COL21A1: variants seen among roughly 807,000 people sequenced by gnomAD.
COL21A1 encodes collagen alpha-1(XXI) chain.
A neutral mutation model predicts 137.9 loss-of-function variants in COL21A1; 149 were observed. The ratio of observed to expected loss-of-function variants is 1.08; its 90% CI spans 0.95 to 1.24. COL21A1 has a LOEUF of 1.24. Ranked by LOEUF, COL21A1 falls within the 50% of genes most tolerant of loss-of-function variation. COL21A1 has a pLI of 0.00. For synonymous variants in COL21A1, 456 were observed against 391.5 expected (o/e 1.16, Z -1.95); for missense variants, 1,167 against 1,158.4 (o/e 1.01, Z -0.11).
intron 2 of COL21A1, 128 bp from the exon 3 acceptor site, chr6:56,180,257 T>C: frequency 1.3e-6 from 1 of 762,084 alleles, no homozygotes; most frequent in Non-Finnish European, 2.0e-6. Flanking sequence ...GTGAAATATG[T>C]TTAGCTTAAT....
chr6:56,205,719 T>G (rs1220062804), intron 1 of COL21A1, among the ~76,000 whole-genome samples: 1 of 152,292 alleles, frequency 6.6e-6, no homozygotes, highest in Middle Eastern at 3.4e-3. Flanking sequence ...GAAAAAATGT[T>G]AAGGGCAGCC....
intron 21 of COL21A1, 90 bp from the exon 22 acceptor site, chr6:56,069,207 A>G: frequency 2.8e-6 from 2 of 713,664 alleles, no homozygotes; most frequent in Non-Finnish European, 4.4e-6. Flanking sequence ...CAATTTTAAA[A>G]TGAATGGTTA....
chr6:56,384,762 AAC>A (rs2094014716), intron 1 of COL21A1, among the ~76,000 whole-genome samples: 1 of 152,192 alleles, frequency 6.6e-6, no homozygotes, highest in African/African-American at 2.4e-5. Context: ...TTCTGCTAAT[AAC>A]ACTTATAAGC....
chr6:56,185,597 G>A (rs1361169809), intron 1 of COL21A1, among the ~76,000 whole-genome samples: 4 of 151,250 alleles, frequency 2.6e-5, no homozygotes, highest in African/African-American at 7.3e-5. Context: ...CACTACGCCC[G>A]GCTAATTTTT....
intron 1 of COL21A1, among the ~76,000 whole-genome samples, chr6:56,280,848 A>G (rs192764464): frequency 6.6e-6 from 1 of 152,034 alleles, no homozygotes; most frequent in Admixed American, 6.6e-5. Context: ...TCATCTCTAC[A>G]AAAAATAAAC....
intron 18 of COL21A1, among the ~76,000 whole-genome samples, chr6:56,076,775 T>C (rs539324925): frequency 6.6e-6 from 1 of 151,548 alleles, no homozygotes; most frequent in African/African-American, 2.4e-5. Context: ...ATAAAATGTC[T>C]AACCAGAATT....
intron 1 of COL21A1, among the ~76,000 whole-genome samples, chr6:56,325,029 AC>A (rs1336676457): frequency 2.0e-5 from 3 of 150,650 alleles, no homozygotes; most frequent in African/African-American, 7.3e-5. Flanking sequence ...ATTAGATCAT[AC>A]CCTTTTTGCG....
rs773797078 is a variant in COL21A1 at position 56,112,495 on chromosome 6, C to T, written c.1759-10970G>A. On this transcript the variant is annotated intron_variant, in intron 16 of 29. Transcript: ENST00000244728. ...AGAGAGAAAAAACAATCCTGAATTA[C>T]CGATGCCACCCCTCCCCCTTCCCCA... 2.8e-4 allele frequency among the ~76,000 whole-genome samples: 43 copies of T among 152,046 alleles called. 1 individual carries two copies. The highest frequency in any genetic ancestry group is 9.2e-4 in the African/African-American group (38 of 41,482).
rs143198394 is a variant in COL21A1, at chr6:56,235,545, A to G, written c.-39+11842T>C. Reference sequence around the variant, plus strand: ...TAACCTGTACTTCTTTGATAGCTGTACTAGGCTGACATCAGGGGAATACTG... The same window carrying G: ...TAACCTGTACTTCTTTGATAGCTGTGCTAGGCTGACATCAGGGGAATACTG... On this transcript the variant is annotated intron_variant, in intron 1 of 29. Transcript: ENST00000244728. Among the ~76,000 whole-genome samples the G allele has an allele frequency of 3.9e-3, 596 of 152,098 alleles. 5 individuals carry two copies. The highest frequency in any genetic ancestry group is 0.013 in the African/African-American group (544 of 41,548).
chr6:56,064,549 T>C (rs2235735), intron 24 of COL21A1, 29 bp downstream of exon 24: 845,695 of 1,504,252 alleles, frequency 0.56, 240,809 homozygotes, highest in East Asian at 0.82. Flanking sequence ...TGTTATTTCA[T>C]TTTTTATCAG....
At chr6:56,168,409 G>A (rs1776765848) in intron 5 of COL21A1, 112 bp from the exon 6 acceptor site, 1 of 815,848 alleles carries the variant, frequency 1.2e-6, no homozygotes, top group African/African-American at 1.7e-5. Flanking sequence ...ATCCCACACA[G>A]ACTGACTGTA....
chr6:56,384,235 G>C (rs1472046917), intron 1 of COL21A1, among the ~76,000 whole-genome samples: 1 of 152,118 alleles, frequency 6.6e-6, no homozygotes, highest in African/African-American at 2.4e-5. Context: ...CACCATGAGT[G>C]GGGTACAGTA....
chr6:56,300,775 A>C (rs1306042443), intron 1 of COL21A1, among the ~76,000 whole-genome samples: 1 of 152,150 alleles, frequency 6.6e-6, no homozygotes, highest in East Asian at 1.9e-4. Flanking sequence ...GGTGATTGAT[A>C]AATACTGCTC....
At chr6:56,302,992 T>C (rs1764340399) in intron 1 of COL21A1, among the ~76,000 whole-genome samples, 1 of 152,136 alleles carries the variant, frequency 6.6e-6, no homozygotes, top group Admixed American at 6.5e-5. Context: ...AGGGAATCCT[T>C]TCCCCATTGC....
chr6:56,362,048 T>C (rs1765985185), intron 1 of COL21A1, among the ~76,000 whole-genome samples: 1 of 152,158 alleles, frequency 6.6e-6, no homozygotes, highest in African/African-American at 2.4e-5. Context: ...CAATGAGCGC[T>C]TGCCCCTGGA....
intron 1 of COL21A1, among the ~76,000 whole-genome samples, chr6:56,270,679 T>C (rs939547286): frequency 6.6e-6 from 1 of 152,202 alleles, no homozygotes; most frequent in African/African-American, 2.4e-5. Context: ...CCACGTGTCC[T>C]GAAAGACATC....
At chr6:56,101,743 A>C in intron 16 of COL21A1, among the ~76,000 whole-genome samples, 1 of 148,112 alleles carries the variant, frequency 6.8e-6, no homozygotes, top group East Asian at 1.9e-4. Flanking sequence ...ACATAATGGC[A>C]GATAATTAAG....
At chr6:56,254,464 T>C (rs1360126736) in intron 1 of COL21A1, among the ~76,000 whole-genome samples, 3 of 152,186 alleles carry the variant, frequency 2.0e-5, no homozygotes, top group Non-Finnish European at 2.9e-5. Flanking sequence ...AACTTGAAAA[T>C]AGAGGTTTAT....
chr6:56,229,413 A>T (rs1388411832), intron 1 of COL21A1, among the ~76,000 whole-genome samples: 1 of 151,966 alleles, frequency 6.6e-6, no homozygotes, highest in Non-Finnish European at 1.5e-5. Context: ...AATAATAAAC[A>T]TATTTTTAAA....
Sources: allele counts gnomAD v4.1 joint callset (sites outside exome capture counted in the v4.1 genomes callset), GRCh38; gene constraint gnomAD v4.1.1; transcripts MANE v1.5; gene names NCBI Gene and HGNC (gene_info 2026-07-23, HGNC 2026-07-21).